Variants in NXPH3 observed in about 807,000 individuals in gnomAD.
NXPH3 encodes the protein neurexophilin 3.
Under a neutral mutation model 18.8 loss-of-function variants are expected in NXPH3, and 7 were observed. That is an observed-to-expected ratio of 0.37 (90% CI 0.21 to 0.70). The LOEUF is 0.70. NXPH3 is among the 30% of genes least tolerant of loss of function. The pLI is 0.53. For synonymous variants in NXPH3, 101 were observed against 137.3 expected (o/e 0.74, Z 1.85); for missense variants, 282 against 338.1 (o/e 0.83, Z 1.30).
At chr17:49,577,731 A>G (rs2676792) in intron 1 of NXPH3, 109,299 of 152,202 alleles carry the variant, frequency 0.72, 40,057 homozygotes, top group East Asian at 0.94. Flanking sequence ...TCTGAGCCCC[A>G]GTGTCCTTAT....
rs773468759 is a variant in NXPH3, at chr17:49,581,522, T to C, written c.*2222T>C. On this transcript the variant is annotated 3_prime_UTR_variant, in exon 2 of 2. Coordinates refer to ENST00000328741, the MANE Select transcript of NXPH3 (RefSeq NM_007225.4). Reference sequence around the variant, plus strand: ...AGCCATCTGGTTACAGCCCACCTTGTAGGAAATGACCCAGCTTGTTTCCCC... The same window carrying C: ...AGCCATCTGGTTACAGCCCACCTTGCAGGAAATGACCCAGCTTGTTTCCCC... The C allele has an allele frequency of 9.9e-5, 65 of 655,308 alleles. No homozygotes were observed. Among genetic ancestry groups the C allele is most frequent in the South Asian group, 9.9e-4 (58 of 58,518 alleles). 40.6% of individuals were successfully genotyped at this position (655,308 alleles called of 1,614,324 possible). A position where few individuals can be genotyped will look rare whatever the true frequency, so the allele number is the denominator to read the frequency against.
intron 1 of NXPH3, chr17:49,577,736 C>T (rs2071578264): frequency 6.6e-6 from 1 of 152,224 alleles, no homozygotes; most frequent in Non-Finnish European, 1.5e-5. Context: ...GCCCCAGTGT[C>T]CTTATCTGTG....
rs2071609528 is a variant in NXPH3 at position 49,583,179 on chromosome 17, G to A, written c.*3879G>A. ...CGAGTGAGTATGTGCAGGAGGGATT[G>A]TAGAGACACAATGAAACAGTTGCTC... On this transcript the variant is annotated 3_prime_UTR_variant, in exon 2 of 2. Coordinates refer to ENST00000328741, the MANE Select transcript of NXPH3 (RefSeq NM_007225.4). 6.6e-6 allele frequency: 1 copy of A among 152,470 alleles called. No individual in the cohort carries two copies. Among genetic ancestry groups the A allele is most frequent in the Non-Finnish European group, 1.5e-5 (1 of 68,104 alleles). 9.4% of individuals were successfully genotyped at this position (152,470 alleles called of 1,614,324 possible).
Position 49,576,167 on chromosome 17 carries a change from TGGGACCCCGAAAAGAGAA to T in NXPH3, c.-49_-32del. The T allele has an allele frequency of 1.3e-6, 2 of 1,550,028 alleles. No homozygotes were observed. Among genetic ancestry groups the T allele is most frequent in the South Asian group, 2.4e-5 (2 of 84,090 alleles). On this transcript the variant is annotated 5_prime_UTR_variant, in exon 1 of 2. Coordinates refer to ENST00000328741, the MANE Select transcript of NXPH3 (RefSeq NM_007225.4). ...AAGGAGCAGGAAGGGGAAGGAGGCC[TGGGACCCCGAAAAGAGAA>T]GGGGAGAGCGAGGGGACGAGAGCGG...
chr17:49,578,944 C>T lies in NXPH3; in HGVS notation c.403C>T (p.Gln135Ter), dbSNP rs1325770828. ...CAATGGGACCTTCAGCGTCCACTTC[C>T]AACACAATGCCACAGGCCAGGGAAA... Reference protein sequence around the residue: ...HGNGTFSVHFQHNATGQGNIS... With the variant: ...HGNGTFSVHF Residue 135 changes from glutamine (Q) to a stop codon, truncating the protein, a stop_gained, in exon 2 of 2, where the codon CAA (glutamine) becomes TAA (stop). Transcript: ENST00000328741. LOFTEE classifies it high-confidence loss of function. The surrounding 1 kb of genome is among the most constrained non-coding windows in gnomAD (Gnocchi z 4.5). 1 of 1,614,228 alleles carries T rather than the reference C, an allele frequency of 6.2e-7. No individual in the cohort carries two copies. Among genetic ancestry groups the T allele is most frequent in the East Asian group, 2.2e-5 (1 of 44,890 alleles).
At position 49,578,543 on chromosome 17, in the gene NXPH3, G is replaced by C; in HGVS notation, c.55-53G>C. ...GACAGGGGTACTGCTGGTAGCGGGG[G>C]TGGTGGACCTCCAGGGACAGGGCTC... is the stretch of plus-strand genomic sequence containing the variant. On this transcript the variant is annotated intron_variant, in intron 1 of 1. Transcript: ENST00000328741. The surrounding 1 kb of genome is among the most constrained non-coding windows in gnomAD (Gnocchi z 4.5). 1 of 1,396,254 alleles carries C rather than the reference G, an allele frequency of 7.2e-7. No homozygotes were observed. Among genetic ancestry groups the C allele is most frequent in the Non-Finnish European group, 9.7e-7 (1 of 1,031,888 alleles). 86.5% of individuals were successfully genotyped at this position (1,396,254 alleles called of 1,614,324 possible).
In NXPH3 at chr17:49,578,681, C is replaced by T; in HGVS notation, c.140C>T (p.Pro47Leu). Reference sequence around the variant, plus strand: ...GAGGGCCAGCCCCGGCCCCGGGTGCCTCGGAAGCGGGGCCACATCTCACCT... The same window carrying T: ...GAGGGCCAGCCCCGGCCCCGGGTGCTTCGGAAGCGGGGCCACATCTCACCT... ...DHEGQPRPRVPRKRGHISPKS... is the reference protein window; with the variant it reads ...DHEGQPRPRVLRKRGHISPKS... Residue 47 changes from proline to leucine, a missense_variant, in exon 2 of 2, where the codon CCT (proline) becomes CTT (leucine). By Grantham distance (98) the Pro-to-Leu change is moderately conservative. Transcript: ENST00000328741. The surrounding 1 kb of genome is among the most constrained non-coding windows in gnomAD (Gnocchi z 4.5). 2.5e-6 allele frequency: 4 copies of T among 1,612,680 alleles called. No individual in the cohort carries two copies. The highest frequency in any genetic ancestry group is 2.5e-6 in the Non-Finnish European group (3 of 1,179,738).
rs2071591393 is a variant in NXPH3, at chr17:49,579,888, G to A, written c.*588G>A. 1 of 153,352 alleles carries A rather than the reference G, an allele frequency of 6.5e-6. No homozygotes were observed. The allele number at this position is 153,352 out of a possible 1,614,324, so 9.5% of individuals were successfully genotyped here. A position where few individuals can be genotyped will look rare whatever the true frequency, so the allele number is the denominator to read the frequency against. On this transcript the variant is annotated 3_prime_UTR_variant, in exon 2 of 2. Transcript: ENST00000328741. The surrounding 1 kb of genome is among the most constrained non-coding windows in gnomAD (Gnocchi z 6.0). The stretch of plus-strand genomic sequence containing the variant: ...AAGTGGCAACCCTGGGGTCTTTGAT[G>A]TCTTGACAGATTGACCATCTGTCTC...
Position 49,583,469 on chromosome 17 carries a change from A to G in NXPH3, c.*4169A>G, listed in dbSNP as rs974796624. The G allele has an allele frequency of 6.6e-6, 1 of 152,236 alleles. No individual in the cohort carries two copies. The highest frequency in any genetic ancestry group is 6.5e-5 in the Admixed American group (1 of 15,286). The allele number at this position is 152,236 out of a possible 1,614,324, so 9.4% of individuals were successfully genotyped here. The stretch of plus-strand genomic sequence containing the variant: ...TGGCACTCACCTGGGTTGTGATTCC[A>G]TAGGGCCCCTGTCTCCTGTTGGTCT... On this transcript the variant is annotated 3_prime_UTR_variant, in exon 2 of 2. Transcript: ENST00000328741.
At position 49,579,648 on chromosome 17, in the gene NXPH3, G is replaced by A. The variant is rs916141252; in HGVS notation, c.*348G>A. The A allele has an allele frequency of 1.1e-5, 3 of 269,676 alleles. No individual in the cohort carries two copies. Among genetic ancestry groups the A allele is most frequent in the Admixed American group, 4.8e-5 (1 of 20,774 alleles). 16.7% of individuals were successfully genotyped at this position (269,676 alleles called of 1,614,324 possible). A position where few individuals can be genotyped will look rare whatever the true frequency, so the allele number is the denominator to read the frequency against. On this transcript the variant is annotated 3_prime_UTR_variant, in exon 2 of 2. Coordinates refer to ENST00000328741, the MANE Select transcript of NXPH3 (RefSeq NM_007225.4). The surrounding 1 kb of genome is among the most constrained non-coding windows in gnomAD (Gnocchi z 6.0). ...GTGGCCCCAGATCAAGTCATGGGAG[G>A]AAGCTAAGCCCTTGGTTCTTGCCAT... is the stretch of plus-strand genomic sequence containing the variant.
Position 49,579,319 on chromosome 17 carries a change from G to C in NXPH3, c.*19G>C. The stretch of plus-strand genomic sequence containing the variant: ...TGGGTGACCCGGGGCAGGCCACAGA[G>C]GCCAGGCCAGGGCTGGAAGGACAGG... On this transcript the variant is annotated 3_prime_UTR_variant, in exon 2 of 2. Coordinates refer to ENST00000328741, the MANE Select transcript of NXPH3 (RefSeq NM_007225.4). This position sits in a 1 kb window ranked among gnomAD's most constrained non-coding sequence, Gnocchi z 6.0. 6.3e-7 allele frequency: 1 copy of C among 1,581,154 alleles called. No homozygotes were observed. The highest frequency in any genetic ancestry group is 8.6e-7 in the Non-Finnish European group (1 of 1,167,022).
rs1430916895 is a variant in NXPH3 at position 49,578,480 on chromosome 17, G to A, written c.55-116G>A. On this transcript the variant is annotated intron_variant, in intron 1 of 1. Transcript: ENST00000328741. This position sits in a 1 kb window ranked among gnomAD's most constrained non-coding sequence, Gnocchi z 4.5. ...GCCCCCCAGCTTCAGTGGGCAAGAC[G>A]CAGGAGCTCCTCACCCAGGTCAGAG... 8.9e-6 allele frequency: 7 copies of A among 790,908 alleles called. No individual in the cohort carries two copies. In the South Asian group the frequency reaches 9.4e-5, roughly 11 times the overall value. The allele number at this position is 790,908 out of a possible 1,614,324, so 49.0% of individuals were successfully genotyped here.
At chr17:49,577,876 C>T (rs1208155038) in intron 1 of NXPH3, 1 of 152,246 alleles carries the variant, frequency 6.6e-6, no homozygotes, top group African/African-American at 2.4e-5. Context: ...CTCCGGGTCT[C>T]CCCTAGTTCT....
chr17:49,578,538 C>T lies in NXPH3; in HGVS notation c.55-58C>T, dbSNP rs917235232. The T allele has an allele frequency of 2.5e-5, 34 of 1,352,960 alleles. No homozygotes were observed. The highest frequency in any genetic ancestry group is 2.6e-4 in the Middle Eastern group (1 of 3,782). 83.8% of individuals were successfully genotyped at this position (1,352,960 alleles called of 1,614,324 possible). A position where few individuals can be genotyped will look rare whatever the true frequency, so the allele number is the denominator to read the frequency against. ...GCAGGGACAGGGGTACTGCTGGTAG[C>T]GGGGGTGGTGGACCTCCAGGGACAG... On this transcript the variant is annotated intron_variant, in intron 1 of 1. Transcript: ENST00000328741. This position sits in a 1 kb window ranked among gnomAD's most constrained non-coding sequence, Gnocchi z 4.5.
rs901813373 is a variant in NXPH3 at position 49,579,107 on chromosome 17, C to T, written c.566C>T (p.Ser189Leu). 7.4e-6 allele frequency: 12 copies of T among 1,614,070 alleles called. No homozygotes were observed. Among genetic ancestry groups the T allele is most frequent in the Non-Finnish European group, 1.0e-5 (12 of 1,180,038 alleles). ...WEKVERGRRT[S>L]LCTHDPAKIC... ...AAGGTAGAACGGGGCCGCCGGACCTCGCTTTGCACCCACGACCCAGCCAAG... is the reference window on the plus strand; with the variant it reads ...AAGGTAGAACGGGGCCGCCGGACCTTGCTTTGCACCCACGACCCAGCCAAG... The change falls in exon 2 of 2, where the codon TCG becomes TTG. Residue 189 changes from serine to leucine, a missense_variant. Physicochemically the swap from Ser to Leu is moderately radical, Grantham distance 145 (BLOSUM62 -2). Coordinates refer to ENST00000328741, the MANE Select transcript of NXPH3 (RefSeq NM_007225.4). This position sits in a 1 kb window ranked among gnomAD's most constrained non-coding sequence, Gnocchi z 6.0.
intron 1 of NXPH3, among the ~76,000 whole-genome samples, chr17:49,577,196 T>C (rs1274237910): frequency 6.6e-6 from 1 of 152,030 alleles, no homozygotes; most frequent in Non-Finnish European, 1.5e-5. Flanking sequence ...GAGCCTCCCG[T>C]CCTAGCCGTC....
chr17:49,576,002 G>A lies in NXPH3; in HGVS notation c.-218G>A. On this transcript the variant is annotated 5_prime_UTR_variant, in exon 1 of 2. Transcript: ENST00000328741. ...CGCACATCTGGGACCTCGAGCGGGG[G>A]CCGTGCCGCGCGCAGCTGGACCAGG... is the stretch of plus-strand genomic sequence containing the variant. 1 of 532,184 alleles carries A rather than the reference G, an allele frequency of 1.9e-6. No homozygotes were observed. Among genetic ancestry groups the A allele is most frequent in the Admixed American group, 3.9e-5 (1 of 25,496 alleles). 33.0% of individuals were successfully genotyped at this position (532,184 alleles called of 1,614,324 possible). A position where few individuals can be genotyped will look rare whatever the true frequency, so the allele number is the denominator to read the frequency against.
Position 49,578,878 on chromosome 17 carries a change from G to T in NXPH3, c.337G>T (p.Ala113Ser), listed in dbSNP as rs762896302. 1.2e-5 allele frequency: 19 copies of T among 1,614,130 alleles called. No homozygotes were observed. Among genetic ancestry groups the T allele is most frequent in the Non-Finnish European group, 1.5e-5 (18 of 1,180,014 alleles). The change falls in exon 2 of 2, where the codon GCC becomes TCC. Residue 113 changes from alanine (A) to serine (S), a missense_variant. Physicochemically the swap from Ala to Ser is moderately conservative, Grantham distance 99. Coordinates refer to ENST00000328741, the MANE Select transcript of NXPH3 (RefSeq NM_007225.4). The surrounding 1 kb of genome is among the most constrained non-coding windows in gnomAD (Gnocchi z 4.5). ...GDFYSNIKTV[A>S]LNLLVTGKIV... ...CTTCTACTCCAACATCAAGACGGTG[G>T]CCCTGAACCTGCTCGTCACAGGGAA...
rs2071599741 is a variant in NXPH3 at position 49,581,441 on chromosome 17, C to T, written c.*2141C>T. 6.7e-6 allele frequency: 4 copies of T among 600,952 alleles called. No homozygotes were observed. Among genetic ancestry groups the T allele is most frequent in the Admixed American group, 3.0e-5 (1 of 33,650 alleles). 37.2% of individuals were successfully genotyped at this position (600,952 alleles called of 1,614,324 possible). On this transcript the variant is annotated 3_prime_UTR_variant, in exon 2 of 2. Coordinates refer to ENST00000328741, the MANE Select transcript of NXPH3 (RefSeq NM_007225.4). ...CCCACCTTTCGCCCCTGCCCACCAG[C>T]GCTCCGCGCAAACTGGTCCCCTCAT...
Sources: allele counts gnomAD v4.1 joint callset (sites outside exome capture counted in the v4.1 genomes callset), GRCh38; gene constraint gnomAD v4.1.1; non-coding constraint Gnocchi (gnomAD v3.1); transcripts MANE v1.5; gene names NCBI Gene and HGNC (gene_info 2026-07-23, HGNC 2026-07-21).